Variants in CHLSN observed in about 807,000 individuals in gnomAD.
CHLSN encodes the protein cholesin.
At chr7:1,058,810 G>T in the CHLSN span, 1 of 430,714 alleles carries the variant, frequency 2.3e-6, no homozygotes, top group Non-Finnish European at 4.3e-6. Flanking sequence ...CATTCAGTTT[G>T]TCAATGAAGT....
the CHLSN span, chr7:984,589 G>A: frequency 3.9e-4 from 601 of 1,554,690 alleles, 9 homozygotes; most frequent in South Asian, 6.6e-3. Flanking sequence ...GTGTGTGGCC[G>A]GCGCTACGGG....
the CHLSN span, among the ~76,000 whole-genome samples, chr7:1,063,648 G>A: frequency 5.3e-5 from 8 of 152,258 alleles, no homozygotes; most frequent in African/African-American, 1.7e-4. Context: ...GTGGTCTCAC[G>A]TCCTCACCTG....
At chr7:995,810 G>T in the CHLSN span, among the ~76,000 whole-genome samples, 1 of 152,262 alleles carries the variant, frequency 6.6e-6, no homozygotes, top group Non-Finnish European at 1.5e-5. Context: ...CCCGCCCTGG[G>T]CCAGTGGGGT....
the CHLSN span, among the ~76,000 whole-genome samples, chr7:1,100,872 A>G: frequency 6.6e-6 from 1 of 152,208 alleles, no homozygotes; most frequent in Non-Finnish European, 1.5e-5. Context: ...ATCCATCAGC[A>G]AGTCTCCCGG....
At chr7:1,092,370 G>A in the CHLSN span, 4 of 1,586,100 alleles carry the variant, frequency 2.5e-6, no homozygotes, top group Non-Finnish European at 8.6e-7. Flanking sequence ...TCCGGGAGGT[G>A]CAGTGGCTCG....
At chr7:1,032,011 G>C in the CHLSN span, among the ~76,000 whole-genome samples, 1 of 152,120 alleles carries the variant, frequency 6.6e-6, no homozygotes, top group Non-Finnish European at 1.5e-5. Context: ...TTCGAAACCT[G>C]GGCCCAGGCA....
chr7:1,131,469 T>C, the CHLSN span, among the ~76,000 whole-genome samples: 4 of 152,232 alleles, frequency 2.6e-5, no homozygotes, highest in Admixed American at 6.5e-5. Flanking sequence ...CACTCGGGGC[T>C]ATCACTGGTA....
chr7:1,091,147 G>A, the CHLSN span, among the ~76,000 whole-genome samples: 1 of 152,216 alleles, frequency 6.6e-6, no homozygotes, highest in Non-Finnish European at 1.5e-5. Flanking sequence ...CCTGCCTGTG[G>A]GAGTGACTCA....
At chr7:1,043,418 G>C in the CHLSN span, 1 of 152,212 alleles carries the variant, frequency 6.6e-6, no homozygotes, top group Non-Finnish European at 1.5e-5. Context: ...TCGTGTCTTA[G>C]GTTTGATGAA....
chr7:1,057,492 G>T, the CHLSN span: 1 of 743,784 alleles, frequency 1.3e-6, no homozygotes. Flanking sequence ...CTTTCCGCAG[G>T]GTCGCGGAGC....
the CHLSN span, among the ~76,000 whole-genome samples, chr7:1,053,564 A>T: frequency 6.6e-6 from 1 of 152,204 alleles, no homozygotes; most frequent in Admixed American, 6.5e-5. Context: ...ATGGTGGCTC[A>T]CGTCTGTAAT....
chr7:991,112 C>G, the CHLSN span, among the ~76,000 whole-genome samples: 1 of 152,010 alleles, frequency 6.6e-6, no homozygotes, highest in African/African-American at 2.4e-5. Context: ...CAGGGGAGCC[C>G]GAGGCCCACG....
chr7:986,393 C>A, the CHLSN span: 1 of 579,124 alleles, frequency 1.7e-6, no homozygotes, highest in East Asian at 3.0e-5. Context: ...GGAAGGAGGT[C>A]CTGCTGTGCA....
the CHLSN span, among the ~76,000 whole-genome samples, chr7:1,008,198 C>T: frequency 9.8e-5 from 15 of 152,310 alleles, no homozygotes; most frequent in African/African-American, 2.6e-4. Flanking sequence ...TCCATTCCTG[C>T]GGCTGGCACC....
At chr7:1,091,760 G>T in the CHLSN span, 39 of 1,552,588 alleles carry the variant, frequency 2.5e-5, no homozygotes, top group Non-Finnish European at 2.2e-5. Context: ...CGGGGCGTGG[G>T]CCTGGAGATG....
At chr7:1,068,617 C>T in the CHLSN span, among the ~76,000 whole-genome samples, 1 of 152,150 alleles carries the variant, frequency 6.6e-6, no homozygotes, top group African/African-American at 2.4e-5. Context: ...GTTGCCGATG[C>T]CTGCTTGTCG....
the CHLSN span, chr7:1,092,199 C>T: frequency 5.3e-5 from 85 of 1,613,046 alleles, no homozygotes; most frequent in Admixed American, 5.0e-4. Flanking sequence ...ACCGCTACAT[C>T]GCCCTGGCCA....
chr7:987,385 G>A, the CHLSN span: 1 of 1,595,032 alleles, frequency 6.3e-7, no homozygotes, highest in African/African-American at 1.3e-5. Context: ...GCTGGGCCCT[G>A]GGCGGACTCC....
the CHLSN span, among the ~76,000 whole-genome samples, chr7:1,079,634 CG>C: frequency 2.6e-5 from 4 of 152,294 alleles, no homozygotes; most frequent in Non-Finnish European, 5.9e-5. Context: ...AGACGTGTGA[CG>C]GGAAGTGGCA....
Sources: allele counts gnomAD v4.1 joint callset (sites outside exome capture counted in the v4.1 genomes callset), GRCh38; gene constraint gnomAD v4.1.1; transcripts MANE v1.5; gene names NCBI Gene and HGNC (gene_info 2026-07-23, HGNC 2026-07-21).